ARHGEF37: variants seen among roughly 807,000 people sequenced by gnomAD.
ARHGEF37 encodes the protein Rho guanine nucleotide exchange factor (GEF) 37.
In ARHGEF37, 55 loss-of-function variants were observed where a neutral mutation model predicts 71.1. The ratio of observed to expected loss-of-function variants is 0.77; its 90% CI spans 0.62 to 0.97. The LOEUF (loss-of-function observed/expected upper bound fraction) is 0.97, where lower values mean the gene tolerates loss of function less well. Among genes scored for constraint, ARHGEF37 ranks in the 50% least tolerant of loss-of-function variants. The pLI is 0.00. For synonymous variants in ARHGEF37, 327 were observed against 350.6 expected, an observed-to-expected ratio of 0.93 and a Z score of 0.75; for missense variants, 765 against 836.8, an observed-to-expected ratio of 0.91 and a Z score of 1.06.
intron 1 of ARHGEF37, among the ~76,000 whole-genome samples, chr5:149,586,831 C>G (rs1763255710): frequency 6.6e-6 from 1 of 152,218 alleles, no homozygotes; most frequent in African/African-American, 2.4e-5. Flanking sequence ...ACCACTGCCT[C>G]TTATTCCATA....
At chr5:149,625,265 G>A (rs914562272) in intron 10 of ARHGEF37, among the ~76,000 whole-genome samples, 9 of 152,124 alleles carry the variant, frequency 5.9e-5, no homozygotes, top group South Asian at 2.1e-4. Flanking sequence ...ATCTGTTCTA[G>A]TCACTTGTAA....
chr5:149,570,069 A>T (rs1446798430), intron 1 of ARHGEF37, among the ~76,000 whole-genome samples: 1 of 152,218 alleles, frequency 6.6e-6, no homozygotes, highest in Non-Finnish European at 1.5e-5. Flanking sequence ...GCAAGAAAAG[A>T]TACACAAAGC....
chr5:149,580,146 C>T (rs1280309601), upstream of ARHGEF37, among the ~76,000 whole-genome samples: 2 of 151,982 alleles, frequency 1.3e-5, no homozygotes, highest in Middle Eastern at 3.4e-3. Flanking sequence ...CTGCAACCTC[C>T]GCCTCCAGGA....
intron 1 of ARHGEF37, among the ~76,000 whole-genome samples, chr5:149,582,693 A>G (rs1335519537): frequency 1.3e-5 from 2 of 152,174 alleles, no homozygotes; most frequent in Non-Finnish European, 2.9e-5. Context: ...AAAGTGATGG[A>G]TATCCCAAGT....
chr5:149,583,677 G>A (rs1763163027), intron 1 of ARHGEF37, among the ~76,000 whole-genome samples: 1 of 152,216 alleles, frequency 6.6e-6, no homozygotes, highest in Non-Finnish European at 1.5e-5. Context: ...GTGTTTTCAT[G>A]TGCTGTAACA....
rs1484343459 is a variant in ARHGEF37, at chr5:149,633,903, G to C, written c.*1712G>C. ...CTTTCTCAGCAGCGAATTCACTTGA[G>C]AGGATGCTCTTGACTCATTCTCTCT... On this transcript the variant is annotated 3_prime_UTR_variant, in exon 13 of 13. Coordinates refer to ENST00000333677, the MANE Select transcript of ARHGEF37 (RefSeq NM_001001669.3). 1 of 152,202 alleles carries C rather than the reference G, an allele frequency of 6.6e-6. No individual in the cohort carries two copies. The highest frequency in any genetic ancestry group is 2.4e-5 in the African/African-American group (1 of 41,444). The allele number at this position is 152,202 out of a possible 1,614,324, so 9.4% of individuals were successfully genotyped here.
intron 1 of ARHGEF37, among the ~76,000 whole-genome samples, chr5:149,561,935 T>C (rs1474078570): frequency 6.6e-6 from 1 of 152,208 alleles, no homozygotes; most frequent in African/African-American, 2.4e-5. Context: ...AGCAAGGGCA[T>C]GAAACTGTGC....
intron 1 of ARHGEF37, among the ~76,000 whole-genome samples, chr5:149,588,186 G>A (rs1968763): frequency 0.27 from 41,336 of 150,836 alleles, 6,294 homozygotes; most frequent in African/African-American, 0.41. Context: ...CGTGAGCCAC[G>A]GTGCCCGGCC....
At position 149,565,829 on chromosome 5, in the gene ARHGEF37, A is replaced by ATTTTTTTTTTTTTTTTTTTT. The variant is rs201683478; in HGVS notation, c.-12+13722_-12+13741dup. Reference sequence around the variant, plus strand: ...TAGCTTTGTAATGTCAGAAACTCTAATTTTTTTTTTTTTTTTTTTTTTTTT... The same window carrying ATTTTTTTTTTTTTTTTTTTT: ...TAGCTTTGTAATGTCAGAAACTCTAATTTTTTTTTTTTTTTTTTTTTTTTTTTTTTTTTTTTTTTTTTTTT... On this transcript the variant is annotated intron_variant, in intron 1 of 2. Coordinates refer to the ARHGEF37 transcript ENST00000505810. Among the ~76,000 whole-genome samples, 24 of 84,574 alleles carry ATTTTTTTTTTTTTTTTTTTT rather than the reference A, an allele frequency of 2.8e-4. 6 individuals carry two copies. The highest frequency in any genetic ancestry group is 4.8e-4 in the Non-Finnish European group (18 of 37,434). The allele number at this position is 84,574 out of a possible 152,430, so 55.5% of individuals were successfully genotyped here. A position where few individuals can be genotyped will look rare whatever the true frequency, so the allele number is the denominator to read the frequency against.
At chr5:149,582,039 G>T (rs1297610468) in intron 1 of ARHGEF37, among the ~76,000 whole-genome samples, 1 of 152,214 alleles carries the variant, frequency 6.6e-6, no homozygotes, top group Non-Finnish European at 1.5e-5. Flanking sequence ...AGACAGTCAA[G>T]GCCAGGAAAA....
At chr5:149,627,377 T>TA (rs1335516128) in intron 11 of ARHGEF37, 106 bp downstream of exon 11, 5 of 1,306,582 alleles carry the variant, frequency 3.8e-6, no homozygotes, top group Non-Finnish European at 5.3e-6. Flanking sequence ...GGCTGGGCAT[T>TA]CCAGGATGGG....
chr5:149,608,084 G>T (rs1763967921), intron 3 of ARHGEF37, among the ~76,000 whole-genome samples: 1 of 151,962 alleles, frequency 6.6e-6, no homozygotes, highest in African/African-American at 2.4e-5. Flanking sequence ...AACCTCTTAA[G>T]GATGGGGGAG....
At chr5:149,585,435 C>T (rs183096767) in intron 1 of ARHGEF37, among the ~76,000 whole-genome samples, 1 of 152,208 alleles carries the variant, frequency 6.6e-6, no homozygotes, top group African/African-American at 2.4e-5. Flanking sequence ...TGTATTGATA[C>T]ATGCTTCCAT....
chr5:149,628,269 T>C (rs1752759597), intron 11 of ARHGEF37, among the ~76,000 whole-genome samples: 1 of 152,166 alleles, frequency 6.6e-6, no homozygotes, highest in Admixed American at 6.5e-5. Flanking sequence ...CTGGCTGCCC[T>C]CAAGAGGTGA....
intron 1 of ARHGEF37, among the ~76,000 whole-genome samples, chr5:149,574,612 C>T (rs941142432): frequency 6.6e-6 from 1 of 152,172 alleles, no homozygotes; most frequent in African/African-American, 2.4e-5. Context: ...TGCCAGTGAC[C>T]TCCTAGTCTA....
upstream of ARHGEF37, chr5:149,551,903 G>A (rs1480236353): frequency 1.3e-5 from 2 of 152,254 alleles, no homozygotes; most frequent in Non-Finnish European, 2.9e-5. Flanking sequence ...TGGTGGAGAG[G>A]AAGAGAAAAG....
intron 10 of ARHGEF37, among the ~76,000 whole-genome samples, chr5:149,626,251 C>T (rs1752681100): frequency 7.8e-6 from 1 of 128,286 alleles, no homozygotes; most frequent in African/African-American, 4.2e-5. Flanking sequence ...AACACACACA[C>T]ACACACACAC....
intron 3 of ARHGEF37, among the ~76,000 whole-genome samples, chr5:149,603,587 GT>G (rs1462450940): frequency 1.3e-5 from 2 of 152,130 alleles, no homozygotes; most frequent in Admixed American, 6.6e-5. Context: ...AGCAATGTGA[GT>G]TACTATTCCC....
chr5:149,557,137 CAAAT>C (rs1762766273), intron 1 of ARHGEF37, among the ~76,000 whole-genome samples: 1 of 152,154 alleles, frequency 6.6e-6, no homozygotes, highest in Non-Finnish European at 1.5e-5. Flanking sequence ...AAGAAGCTGA[CAAAT>C]ACAGTATTTA....
Sources: allele counts gnomAD v4.1 joint callset (sites outside exome capture counted in the v4.1 genomes callset), GRCh38; gene constraint gnomAD v4.1.1; transcripts MANE v1.5; gene names NCBI Gene and HGNC (gene_info 2026-07-23, HGNC 2026-07-21).